Variants in IL1RAPL2 observed in about 807,000 individuals in gnomAD.
IL1RAPL2 encodes interleukin 1 receptor accessory protein like 2, also known as X-linked interleukin-1 receptor accessory protein-like 2.
Under a neutral mutation model 44.1 loss-of-function variants are expected in IL1RAPL2, and 3 were observed. That is an observed-to-expected ratio of 0.07 (90% CI 0.03 to 0.18). The LOEUF (loss-of-function observed/expected upper bound fraction) is 0.18, where lower values mean the gene tolerates loss of function less well. Among genes scored for constraint, IL1RAPL2 ranks in the 10% least tolerant of loss-of-function variants. The pLI is 1.00. For missense variants in IL1RAPL2, 391 were observed against 496.4 expected (o/e 0.79, Z 2.02); for synonymous variants, 181 against 178.8 (o/e 1.01, Z -0.10).
At chrX:104,610,182 A>G (rs1023616521) in intron 1 of IL1RAPL2, among the ~76,000 whole-genome samples, 7 of 111,248 alleles carry the variant, frequency 6.3e-5, no homozygotes, top group African/African-American at 2.3e-4. Flanking sequence ...ATCATACTGA[A>G]TGGGCAAAAA....
At chrX:105,080,898 A>C (rs1220105357) in intron 2 of IL1RAPL2, among the ~76,000 whole-genome samples, 1 of 111,381 alleles carries the variant, frequency 9.0e-6, no homozygotes, top group Non-Finnish European at 1.9e-5. Context: ...TTCCTTGAGC[A>C]GTTGTTTGTA....
intron 6 of IL1RAPL2, among the ~76,000 whole-genome samples, chrX:105,493,250 G>T (rs994630790): frequency 9.0e-6 from 1 of 111,489 alleles, no homozygotes; most frequent in African/African-American, 3.3e-5. Context: ...TTTATGTGTG[G>T]ACATATGTTT....
chrX:105,394,519 G>T (rs2035548599), intron 5 of IL1RAPL2, among the ~76,000 whole-genome samples: 1 of 110,996 alleles, frequency 9.0e-6, no homozygotes, highest in Non-Finnish European at 1.9e-5. Flanking sequence ...CATTGTAGCA[G>T]CCTAGTAACT....
chrX:104,599,398 C>T (rs1484492050), intron 1 of IL1RAPL2, among the ~76,000 whole-genome samples: 3 of 109,307 alleles, frequency 2.7e-5, no homozygotes, highest in African/African-American at 1.0e-4. Flanking sequence ...TACGTGCATG[C>T]CACATGCTCA....
intron 2 of IL1RAPL2, among the ~76,000 whole-genome samples, chrX:104,831,228 T>C (rs1427061140): frequency 2.7e-5 from 3 of 111,826 alleles, no homozygotes; most frequent in Non-Finnish European, 5.6e-5. Flanking sequence ...AATAGCCTTT[T>C]TCTGCAAGAG....
chrX:105,447,400 AATATATAAATATAAAT>A (rs2035973721), intron 5 of IL1RAPL2, among the ~76,000 whole-genome samples: 1 of 70,088 alleles, frequency 1.4e-5, no homozygotes, highest in South Asian at 8.2e-4. Flanking sequence ...TAAATATATA[AATATATAAATATAAAT>A]ATATAAATAT....
chrX:105,169,010 C>T (rs2033397365), intron 2 of IL1RAPL2, among the ~76,000 whole-genome samples: 1 of 112,018 alleles, frequency 8.9e-6, no homozygotes, highest in Non-Finnish European at 1.9e-5. Flanking sequence ...CATCAGGTCC[C>T]CTTCTTTGAT....
chrX:105,405,866 C>T, intron 5 of IL1RAPL2: 1 of 1,167,440 alleles, frequency 8.6e-7, no homozygotes. Context: ...GCATAAAAGC[C>T]ACCAGTGTGT....
At chrX:105,357,667 G>A (rs2035213469) in intron 5 of IL1RAPL2, among the ~76,000 whole-genome samples, 1 of 110,075 alleles carries the variant, frequency 9.1e-6, no homozygotes, top group South Asian at 3.8e-4. Context: ...AAAAAATCAG[G>A]ACAGGCTAAA....
At chrX:105,069,742 T>G (rs947888161) in intron 2 of IL1RAPL2, among the ~76,000 whole-genome samples, 5 of 112,457 alleles carry the variant, frequency 4.4e-5, no homozygotes, top group Admixed American at 9.4e-5. Flanking sequence ...TATCAGAACC[T>G]TTTCATTATC....
At chrX:105,316,337 C>T (rs2034841466) in intron 5 of IL1RAPL2, among the ~76,000 whole-genome samples, 1 of 111,632 alleles carries the variant, frequency 9.0e-6, no homozygotes, top group Non-Finnish European at 1.9e-5. Flanking sequence ...ATAAAAAAAT[C>T]TGCTTGCTAA....
chrX:105,408,964 C>T (rs1327511861), intron 5 of IL1RAPL2, among the ~76,000 whole-genome samples: 2 of 109,744 alleles, frequency 1.8e-5, no homozygotes, highest in Admixed American at 9.7e-5. Context: ...ATTTTTTTGT[C>T]TCTGAGCTTT....
chrX:104,759,136 A>G (rs776736178), intron 2 of IL1RAPL2, among the ~76,000 whole-genome samples: 2 of 112,666 alleles, frequency 1.8e-5, no homozygotes, highest in Admixed American at 9.4e-5. Flanking sequence ...ATTTAGATCA[A>G]CAATGTAATC....
At chrX:104,821,205 C>A (rs1285724747) in intron 2 of IL1RAPL2, among the ~76,000 whole-genome samples, 1 of 111,444 alleles carries the variant, frequency 9.0e-6, no homozygotes, top group Non-Finnish European at 1.9e-5. Context: ...ACAGTGATTA[C>A]AACAAATTAT....
chrX:105,058,694 C>G (rs1403454688), intron 2 of IL1RAPL2, among the ~76,000 whole-genome samples: 1 of 111,298 alleles, frequency 9.0e-6, no homozygotes, highest in Non-Finnish European at 1.9e-5. Flanking sequence ...GACTTTTTTC[C>G]TTTTCTCCAG....
intron 2 of IL1RAPL2, among the ~76,000 whole-genome samples, chrX:104,800,074 A>G (rs954071831): frequency 9.0e-6 from 1 of 111,091 alleles, no homozygotes; most frequent in African/African-American, 3.3e-5. Flanking sequence ...TCATACCTGA[A>G]AGACTTTATG....
intron 2 of IL1RAPL2, among the ~76,000 whole-genome samples, chrX:105,134,952 C>T (rs1379820734): frequency 1.9e-5 from 2 of 107,914 alleles, no homozygotes; most frequent in African/African-American, 3.4e-5. Context: ...TCTGTGGTCT[C>T]ACTACATGGA....
chrX:105,081,136 C>T (rs1343839480), intron 2 of IL1RAPL2, among the ~76,000 whole-genome samples: 3 of 111,295 alleles, frequency 2.7e-5, no homozygotes, highest in African/African-American at 6.5e-5. Flanking sequence ...ATGGGGTTTT[C>T]TAATTACACA....
chrX:105,020,361 G>A (rs2031263986), intron 2 of IL1RAPL2, among the ~76,000 whole-genome samples: 1 of 111,648 alleles, frequency 9.0e-6, no homozygotes, highest in South Asian at 3.7e-4. Flanking sequence ...CTAGCTCAGA[G>A]TGTTATTGTA....
Sources: gnomAD v4.1 joint callset for allele counts (sites outside exome capture counted in the v4.1 genomes callset) on GRCh38, gnomAD v4.1.1 for gene constraint, MANE v1.5 for transcripts, NCBI Gene and HGNC (gene_info 2026-07-23, HGNC 2026-07-21) for gene names.